PCED1B: variants seen among roughly 807,000 people sequenced by gnomAD.
The protein encoded by PCED1B is PC-esterase domain containing 1B, also known as PC-esterase domain-containing protein 1B.
For synonymous variants in PCED1B, 251 were observed against 246.1 expected (o/e 1.02, Z -0.19); for missense variants, 573 against 573.9 (o/e 1.00, Z 0.02).
intron 2 of PCED1B, among the ~76,000 whole-genome samples, chr12:47,160,293 C>CTTTTTTTTTTTTTTTTTTTTTTTT (rs59856338): frequency 2.2e-4 from 15 of 69,226 alleles, no homozygotes; most frequent in Admixed American, 4.2e-4. Context: ...TTTTCTTTTT[C>CTTTTTTTTTTTTTTTTTTTTTTTT]TTTTTTTTTT....
intron 2 of PCED1B, among the ~76,000 whole-genome samples, chr12:47,175,317 C>T (rs1941887378): frequency 6.6e-6 from 1 of 152,124 alleles, no homozygotes; most frequent in Admixed American, 6.5e-5. Flanking sequence ...TATTTATTCA[C>T]TTTTGGACTC....
In PCED1B at chr12:47,124,505, A is replaced by T. The variant is rs558234705; in HGVS notation, c.-526+20310A>T. Among the ~76,000 whole-genome samples, 246 of 93,826 alleles carry T rather than the reference A, an allele frequency of 2.6e-3. 3 individuals carry two copies. The highest frequency in any genetic ancestry group is 0.011 in the African/African-American group (237 of 21,978). 61.6% of individuals were successfully genotyped at this position (93,826 alleles called of 152,430 possible). A position where few individuals can be genotyped will look rare whatever the true frequency, so the allele number is the denominator to read the frequency against. On this transcript the variant is annotated intron_variant, in intron 2 of 3. Coordinates refer to ENST00000546455, the MANE Select transcript of PCED1B (RefSeq NM_138371.3). ...TTCATCTGTAAGTCTTTGTATATAC[A>T]TGAGGTTTTTTTTTTTTTGTATACA...
chr12:47,234,829 T>TCGCCAATCTCCCAGGTC (rs1344456128), intron 3 of PCED1B, among the ~76,000 whole-genome samples, 178 bp from the exon 4 acceptor site: 38 of 152,302 alleles, frequency 2.5e-4, no homozygotes, highest in African/African-American at 9.1e-4. Flanking sequence ...TCCTGCCCTC[T>TCGCCAATCTCCCAGGTC]CGCCAATCTC....
At chr12:47,122,683 G>A (rs1219281913) in intron 2 of PCED1B, among the ~76,000 whole-genome samples, 3 of 152,062 alleles carry the variant, frequency 2.0e-5, no homozygotes, top group Non-Finnish European at 4.4e-5. Flanking sequence ...GGCTATAGTT[G>A]AGTCTTTCAA....
intron 2 of PCED1B, among the ~76,000 whole-genome samples, chr12:47,168,391 A>T (rs1480049988): frequency 2.0e-5 from 3 of 152,046 alleles, no homozygotes; most frequent in Non-Finnish European, 4.4e-5. Context: ...TCAGTGTCTT[A>T]TATTTGATTG....
chr12:47,196,952 C>G (rs1323463261), intron 2 of PCED1B, among the ~76,000 whole-genome samples: 1 of 151,364 alleles, frequency 6.6e-6, no homozygotes, highest in African/African-American at 2.4e-5. Flanking sequence ...TGTTAATACA[C>G]TTAATATGTA....
chr12:47,135,873 G>T (rs897356367), intron 2 of PCED1B: 3 of 430,398 alleles, frequency 7.0e-6, no homozygotes, highest in African/African-American at 4.0e-5. Context: ...GTTGGCAGGA[G>T]TGAAGAGGGT....
intron 3 of PCED1B, among the ~76,000 whole-genome samples, chr12:47,227,165 T>G (rs901408489): frequency 1.3e-5 from 2 of 148,302 alleles, no homozygotes; most frequent in Admixed American, 1.3e-4. Flanking sequence ...TTTTGTTTTG[T>G]TTTTGTTTTT....
At chr12:47,222,084 C>G (rs1943493141) in intron 3 of PCED1B, among the ~76,000 whole-genome samples, 1 of 131,732 alleles carries the variant, frequency 7.6e-6, no homozygotes, top group African/African-American at 2.9e-5. Context: ...GCCTGGGTGA[C>G]AGAGTGAGAC....
intron 1 of PCED1B, among the ~76,000 whole-genome samples, chr12:47,095,278 G>A (rs749335139): frequency 5.9e-5 from 9 of 151,864 alleles, no homozygotes; most frequent in Non-Finnish European, 8.8e-5. Context: ...TTGTCTTCTC[G>A]CATCTATAAT....
intron 1 of PCED1B, among the ~76,000 whole-genome samples, chr12:47,088,561 TCTGAAC>T (rs1938098849): frequency 6.6e-6 from 1 of 152,160 alleles, no homozygotes; most frequent in African/African-American, 2.4e-5. Context: ...CCAAAGGGGT[TCTGAAC>T]TGCATGGAAA....
chr12:47,081,723 AT>A (rs1937734752), intron 1 of PCED1B, among the ~76,000 whole-genome samples: 1 of 152,216 alleles, frequency 6.6e-6, no homozygotes, highest in African/African-American at 2.4e-5. Context: ...TCAGAGGAAT[AT>A]TTTTTAAATG....
chr12:47,157,778 G>A (rs1941242597), intron 2 of PCED1B, among the ~76,000 whole-genome samples: 1 of 152,028 alleles, frequency 6.6e-6, no homozygotes, highest in African/African-American at 2.4e-5. Flanking sequence ...CTGAAACTCT[G>A]TACCTGTTAC....
chr12:47,080,805 C>G (rs1238787096), intron 1 of PCED1B, among the ~76,000 whole-genome samples: 1 of 152,154 alleles, frequency 6.6e-6, no homozygotes, highest in Non-Finnish European at 1.5e-5. Context: ...CTCTCCCTCT[C>G]TCTCTCCCTC....
At chr12:47,117,705 A>G (rs1319354471) in intron 2 of PCED1B, among the ~76,000 whole-genome samples, 2 of 152,202 alleles carry the variant, frequency 1.3e-5, no homozygotes, top group Admixed American at 6.5e-5. Flanking sequence ...TCCTTTGGGT[A>G]TATACCCAGT....
chr12:47,133,992 T>C lies in PCED1B; in HGVS notation c.-526+29797T>C, dbSNP rs1254371128. 3.9e-5 allele frequency among the ~76,000 whole-genome samples: 6 copies of C among 152,176 alleles called. No homozygotes were observed. The East Asian group carries it at 9.6e-4, about 24-fold the overall frequency. ...GAAAACCCTCACTAGAACCCAACAA[T>C]GCTGGCGTCTGATTTTGGGCTTCCG... is the stretch of plus-strand genomic sequence containing the variant. On this transcript the variant is annotated intron_variant, in intron 2 of 3. Transcript: ENST00000546455.
rs181979511 is a variant in PCED1B at position 47,138,650 on chromosome 12, G to A, written c.-526+34455G>A. Among the ~76,000 whole-genome samples, 3 of 152,244 alleles carry A rather than the reference G, an allele frequency of 2.0e-5. No homozygotes were observed. The East Asian group carries it at 5.8e-4, about 29-fold the overall frequency. On this transcript the variant is annotated intron_variant, in intron 2 of 3. Coordinates refer to ENST00000546455, the MANE Select transcript of PCED1B (RefSeq NM_138371.3). ...GGTGCCTCATTGTGTACAATGCCTTGAATGGATCCAGTACGTATTTCACCA... is the reference window on the plus strand; with the variant it reads ...GGTGCCTCATTGTGTACAATGCCTTAAATGGATCCAGTACGTATTTCACCA...
chr12:47,187,966 T>C (rs1282078213), intron 2 of PCED1B: 1 of 154,168 alleles, frequency 6.5e-6, no homozygotes, highest in Non-Finnish European at 1.5e-5. Flanking sequence ...TTGTAATTGG[T>C]CACCTGATCT....
chr12:47,174,146 C>T lies in PCED1B; in HGVS notation c.-525-42076C>T, dbSNP rs149474082. Among the ~76,000 whole-genome samples the T allele has an allele frequency of 3.6e-3, 553 of 152,166 alleles. 3 individuals are homozygous for T. Among genetic ancestry groups the T allele is most frequent in the African/African-American group, 0.013 (529 of 41,504 alleles). ...AAATATGGCCGGCTGAGGTGGCTCA[C>T]GCCTGTAATCCCAGCACTTTGGAAG... On this transcript the variant is annotated intron_variant, in intron 2 of 3. Coordinates refer to ENST00000546455, the MANE Select transcript of PCED1B (RefSeq NM_138371.3).
Sources: gnomAD v4.1 joint callset for allele counts (sites outside exome capture counted in the v4.1 genomes callset) on GRCh38, gnomAD v4.1.1 for gene constraint, MANE v1.5 for transcripts, NCBI Gene and HGNC (gene_info 2026-07-23, HGNC 2026-07-21) for gene names.